Variants in PKD1L3 observed in about 807,000 individuals in gnomAD.
PKD1L3 encodes polycystin-1-like protein 3.
In PKD1L3, 239 loss-of-function variants were observed where a neutral mutation model predicts 184.1. The observed-to-expected ratio is 1.30, with a 90% CI of 1.17 to 1.45. The LOEUF (loss-of-function observed/expected upper bound fraction) is 1.45, where lower values mean the gene tolerates loss of function less well. Ranked by LOEUF, PKD1L3 falls within the 40% of genes most tolerant of loss-of-function variation. The probability of loss-of-function intolerance (pLI) is 0.00; values close to 1 mark genes in which losing one functional copy is unlikely to be tolerated. For missense variants in PKD1L3, 2,660 were observed against 2,067.2 expected, an observed-to-expected ratio of 1.29 and a Z score of -5.56; for synonymous variants, 996 against 778.8, an observed-to-expected ratio of 1.28 and a Z score of -4.64.
chr16:71,999,956 C>T lies in PKD1L3; in HGVS notation c.23G>A (p.Trp8Ter). MFFKGGS[W>*]LWLYIRTSII... ...ACTTGTTCTGATGTATAACCAAAGCCAGCTTCCTCCTTTGAAGAACATTTT... is the reference window on the plus strand; with the variant it reads ...ACTTGTTCTGATGTATAACCAAAGCTAGCTTCCTCCTTTGAAGAACATTTT... The change falls in exon 1 of 30, where the codon TGG (tryptophan) becomes TAG (stop). Residue 8 changes from tryptophan to a stop codon, truncating the protein, a stop_gained. Transcript: ENST00000620267. LOFTEE classifies it high-confidence loss of function. The T allele has an allele frequency of 6.5e-7, 1 of 1,526,960 alleles. No individual in the cohort carries two copies. The highest frequency in any genetic ancestry group is 8.9e-7 in the Non-Finnish European group (1 of 1,129,594). The allele number at this position is 1,526,960 out of a possible 1,614,324, so 94.6% of individuals were successfully genotyped here.
At chr16:71,963,760 G>A in intron 15 of PKD1L3, among the ~76,000 whole-genome samples, 1 of 151,668 alleles carries the variant, frequency 6.6e-6, no homozygotes, top group East Asian at 2.0e-4. Context: ...TCTAGCTTGG[G>A]TGACAGAATG....
rs2039529079 is a variant in PKD1L3, at chr16:71,967,156, A to C, written c.2446T>G (p.Ser816Ala). Reference sequence around the variant, plus strand: ...ACTCACCAGGAGGGACTGACGCCAGAATTGTCATGCCAGAGCCGAAGGCTG... The same window carrying C: ...ACTCACCAGGAGGGACTGACGCCAGCATTGTCATGCCAGAGCCGAAGGCTG... ...LHSLRLWHDNSGVSPSWYVSQ... is the reference protein window; with the variant it reads ...LHSLRLWHDNAGVSPSWYVSQ... The change falls in exon 15 of 30, where the codon TCT (serine) becomes GCT (alanine). Residue 816 changes from serine to alanine, a missense_variant. By Grantham distance (99) the Ser-to-Ala change is moderately conservative (BLOSUM62 1). Coordinates refer to ENST00000620267, the MANE Select transcript of PKD1L3 (RefSeq NM_181536.2). 1.3e-6 allele frequency: 2 copies of C among 1,551,662 alleles called. No homozygotes were observed. Among genetic ancestry groups the C allele is most frequent in the Middle Eastern group, 1.7e-4 (1 of 5,994 alleles).
At chr16:71,974,751 G>A (rs754305509) in intron 11 of PKD1L3, among the ~76,000 whole-genome samples, 4 of 152,216 alleles carry the variant, frequency 2.6e-5, no homozygotes, top group Admixed American at 1.3e-4. Context: ...AATTTCCACA[G>A]ATTCTGTAGT....
chr16:71,986,468 G>C lies in PKD1L3; in HGVS notation c.587C>G (p.Ser196Cys), dbSNP rs1453752479. 1 of 1,546,256 alleles carries C rather than the reference G, an allele frequency of 6.5e-7. No individual in the cohort carries two copies. Among genetic ancestry groups the C allele is most frequent in the South Asian group, 1.2e-5 (1 of 83,316 alleles). Residue 196 changes from serine (S) to cysteine (C), a missense_variant and splice_region_variant, in exon 5 of 30, where the codon TCC becomes TGC. Transcript: ENST00000620267. ...TCHYPLPAHLSKTLCHPISQF... is the reference protein window; with the variant it reads ...TCHYPLPAHLCKTLCHPISQF... ...GCTGATGGGATGACACAGGGTCTTG[G>C]ACTAAAAGATAAAAATATGTAAAGG...
intron 24 of PKD1L3, among the ~76,000 whole-genome samples, chr16:71,939,003 T>TG (rs2038273483): frequency 2.0e-5 from 3 of 152,230 alleles, no homozygotes; most frequent in Admixed American, 2.0e-4. Flanking sequence ...TGTGGCCCTT[T>TG]GGGGGAGCCC....
intron 24 of PKD1L3, among the ~76,000 whole-genome samples, chr16:71,938,136 T>C (rs1241526508): frequency 6.6e-6 from 1 of 151,936 alleles, no homozygotes; most frequent in African/African-American, 2.4e-5. Context: ...ACTCGGGGGC[T>C]CAGGAAACCC....
chr16:71,983,714 T>G (rs1484253057), intron 6 of PKD1L3, among the ~76,000 whole-genome samples: 1 of 119,876 alleles, frequency 8.3e-6, no homozygotes, highest in Admixed American at 1.1e-4. Context: ...CCACCCAGGC[T>G]GGAGTGGAGT....
At chr16:71,993,087 A>T (rs578063279) in intron 3 of PKD1L3, 129 bp downstream of exon 3, 1 of 630,168 alleles carries the variant, frequency 1.6e-6, no homozygotes, top group South Asian at 2.7e-5. Context: ...TTAAGATCAG[A>T]CAGAATAGAA....
chr16:71,977,563 T>TA, intron 10 of PKD1L3, 96 bp from the exon 11 acceptor site: 4 of 323,456 alleles, frequency 1.2e-5, no homozygotes, highest in Non-Finnish European at 1.8e-5. Flanking sequence ...CCTAGCTCTT[T>TA]TTTTTTTTTT....
intron 2 of PKD1L3, among the ~76,000 whole-genome samples, chr16:71,995,936 A>G (rs1416149702): frequency 6.6e-6 from 1 of 152,206 alleles, no homozygotes; most frequent in Admixed American, 6.5e-5. Context: ...ATTTATGCCA[A>G]TCTGATAGGT....
intron 9 of PKD1L3, 34 bp downstream of exon 9, chr16:71,979,752 T>C: frequency 1.4e-6 from 2 of 1,470,150 alleles, no homozygotes; most frequent in South Asian, 2.9e-5. Context: ...TCAGATCCCA[T>C]TTTCATTCTG....
rs35268514 is a variant in PKD1L3, at chr16:71,956,184, ATTTTTT to A, written c.2613-1889_2613-1884del. Among the ~76,000 whole-genome samples, 131 of 82,762 alleles carry A rather than the reference ATTTTTT, an allele frequency of 1.6e-3. 2 individuals are homozygous for A. The highest frequency in any genetic ancestry group is 6.7e-3 in the African/African-American group (124 of 18,620). The allele number at this position is 82,762 out of a possible 152,430, so 54.3% of individuals were successfully genotyped here. ...ATCATTTAGCTTTAAAAAGGAAGGA[ATTTTTT>A]TTTTTTTTTTTTTTTTTTGTGAGAT... On this transcript the variant is annotated intron_variant, in intron 16 of 29. Coordinates refer to ENST00000620267, the MANE Select transcript of PKD1L3 (RefSeq NM_181536.2).
chr16:71,988,312 A>G (rs1421514227), intron 4 of PKD1L3, among the ~76,000 whole-genome samples: 1 of 151,750 alleles, frequency 6.6e-6, no homozygotes, highest in Non-Finnish European at 1.5e-5. Context: ...CTTCTGCCTC[A>G]CCCTCCCCAG....
chr16:71,930,341 T>C lies in PKD1L3; in HGVS notation c.4927-158A>G. The stretch of plus-strand genomic sequence containing the variant: ...AAGATAATAAGAAGGAAAATACTTT[T>C]AAATGGACAGAAGAGCAGGAATGAC... On this transcript the variant is annotated intron_variant, in intron 28 of 29. Coordinates refer to ENST00000620267, the MANE Select transcript of PKD1L3 (RefSeq NM_181536.2). The C allele has an allele frequency of 3.0e-6, 2 of 664,646 alleles. 1 individual carries two copies. The highest frequency in any genetic ancestry group is 8.8e-5 in the South Asian group (2 of 22,718). 41.2% of individuals were successfully genotyped at this position (664,646 alleles called of 1,614,324 possible).
chr16:71,990,589 C>G (rs1320435513), intron 3 of PKD1L3, among the ~76,000 whole-genome samples: 4 of 151,988 alleles, frequency 2.6e-5, no homozygotes, highest in African/African-American at 9.7e-5. Flanking sequence ...TAATAATTAG[C>G]CGGGCGTGGT....
intron 22 of PKD1L3, among the ~76,000 whole-genome samples, chr16:71,946,486 T>A (rs1196618941): frequency 6.6e-6 from 1 of 152,036 alleles, no homozygotes; most frequent in East Asian, 2.0e-4. Context: ...TTCTGCAACC[T>A]CTTGTTTTGC....
intron 7 of PKD1L3, among the ~76,000 whole-genome samples, chr16:71,981,002 C>T (rs1228157044): frequency 6.6e-6 from 1 of 152,198 alleles, no homozygotes; most frequent in Non-Finnish European, 1.5e-5. Context: ...TGATAGGCTT[C>T]TTTCACCTGG....
chr16:71,987,052 G>A (rs1025445035), intron 4 of PKD1L3, among the ~76,000 whole-genome samples: 2 of 149,092 alleles, frequency 1.3e-5, no homozygotes, highest in Non-Finnish European at 3.0e-5. Flanking sequence ...AGCCTCCTCA[G>A]TAGCTGGGAT....
chr16:71,934,796 TACAC>T (rs950035916), intron 26 of PKD1L3, among the ~76,000 whole-genome samples: 17 of 152,264 alleles, frequency 1.1e-4, no homozygotes, highest in East Asian at 7.7e-4. Context: ...CAGGAAAAGT[TACAC>T]AGATCACCAC....
Sources: gnomAD v4.1 joint callset for allele counts (sites outside exome capture counted in the v4.1 genomes callset) on GRCh38, gnomAD v4.1.1 for gene constraint, MANE v1.5 for transcripts, NCBI Gene and HGNC (gene_info 2026-07-23, HGNC 2026-07-21) for gene names.